ZC3H12B: variants seen among roughly 807,000 people sequenced by gnomAD.
ZC3H12B encodes zinc finger CCCH-type containing 12B, also known as probable ribonuclease ZC3H12B.
A neutral mutation model predicts 43.9 loss-of-function variants in ZC3H12B; 7 were observed. That is an observed-to-expected ratio of 0.16 (90% CI 0.09 to 0.30). The LOEUF (loss-of-function observed/expected upper bound fraction) is 0.30, where lower values mean the gene tolerates loss of function less well. ZC3H12B is among the 10% of genes least tolerant of loss of function. The pLI is 1.00. For synonymous variants in ZC3H12B, 222 were observed against 241.7 expected, an observed-to-expected ratio of 0.92 and a Z score of 0.76; for missense variants, 475 against 670.2, an observed-to-expected ratio of 0.71 and a Z score of 3.22.
chrX:65,249,790 C>T, the ZC3H12B span, among the ~76,000 whole-genome samples: 1 of 95,844 alleles, frequency 1.0e-5, no homozygotes, highest in African/African-American at 4.3e-5. Context: ...AGGTATATTC[C>T]TAAGTATTTT....
chrX:65,167,103 A>C, the ZC3H12B span, among the ~76,000 whole-genome samples: 8 of 111,788 alleles, frequency 7.2e-5, no homozygotes, highest in African/African-American at 2.6e-4. Context: ...TGTTTTAGTC[A>C]TGAAGTACTT....
At chrX:65,363,525 C>T (rs778035818), upstream of ZC3H12B, among the ~76,000 whole-genome samples, 9 of 111,715 alleles carry the variant, frequency 8.1e-5, no homozygotes, top group Non-Finnish European at 1.7e-4. Context: ...TAGCTGATCC[C>T]ATAGATCCTA....
chrX:65,373,946 GT>G (rs1488984661), intron 2 of ZC3H12B, among the ~76,000 whole-genome samples: 49 of 37,261 alleles, frequency 1.3e-3, no homozygotes, highest in South Asian at 2.5e-3. Context: ...TATATATATA[GT>G]TATATATATA....
intron 4 of ZC3H12B, 64 bp downstream of exon 9, chrX:65,500,053 T>C (rs2068343392): frequency 1.1e-6 from 1 of 893,007 alleles, no homozygotes; most frequent in Admixed American, 2.5e-5. Flanking sequence ...TGTGAACACT[T>C]TTCTCTTCCA....
the ZC3H12B span, among the ~76,000 whole-genome samples, chrX:65,182,563 A>C: frequency 2.7e-5 from 3 of 111,239 alleles, no homozygotes; most frequent in Non-Finnish European, 5.7e-5. Context: ...TAACAAAAAA[A>C]TTAAGAAATA....
the ZC3H12B span, among the ~76,000 whole-genome samples, chrX:65,298,501 C>G: frequency 9.0e-6 from 1 of 111,189 alleles, no homozygotes; most frequent in Non-Finnish European, 1.9e-5. Flanking sequence ...TAGGAAAAGA[C>G]TAGCAAATTA....
At chrX:65,340,443 G>A in the ZC3H12B span, among the ~76,000 whole-genome samples, 27 of 111,984 alleles carry the variant, frequency 2.4e-4, no homozygotes, top group Non-Finnish European at 4.5e-4. Flanking sequence ...ACTCTGGCTA[G>A]GACCACCCAT....
At chrX:65,063,616 A>C in the ZC3H12B span, among the ~76,000 whole-genome samples, 8 of 111,519 alleles carry the variant, frequency 7.2e-5, no homozygotes, top group Non-Finnish European at 1.3e-4. Flanking sequence ...TTGGCCTGAA[A>C]TTTTCTTTTT....
chrX:65,207,273 C>T, the ZC3H12B span, among the ~76,000 whole-genome samples: 1 of 107,949 alleles, frequency 9.3e-6, no homozygotes, highest in Non-Finnish European at 1.9e-5. Context: ...CACACACACA[C>T]ATACACACAC....
the ZC3H12B span, among the ~76,000 whole-genome samples, chrX:65,085,254 A>G: frequency 9.0e-6 from 1 of 111,577 alleles, no homozygotes; most frequent in Non-Finnish European, 1.9e-5. Flanking sequence ...AAAAATAACT[A>G]AAAGAGAGTA....
the ZC3H12B span, among the ~76,000 whole-genome samples, chrX:65,162,922 T>C: frequency 8.9e-6 from 1 of 112,071 alleles, no homozygotes; most frequent in Non-Finnish European, 1.9e-5. Flanking sequence ...TCTTTGATGA[T>C]GGTGATGCAC....
the ZC3H12B span, chrX:65,357,692 G>A: frequency 8.9e-6 from 1 of 112,153 alleles, no homozygotes; most frequent in Non-Finnish European, 1.9e-5. Flanking sequence ...CCTAAAGGAA[G>A]CACTAAATAT....
intron 3 of ZC3H12B, among the ~76,000 whole-genome samples, chrX:65,468,058 G>C: frequency 8.9e-6 from 1 of 111,828 alleles, no homozygotes; most frequent in African/African-American, 3.2e-5. Context: ...TTTTTCCTGT[G>C]TTTTCTTCTA....
the ZC3H12B span, among the ~76,000 whole-genome samples, chrX:65,118,260 C>T: frequency 9.0e-6 from 1 of 111,434 alleles, no homozygotes; most frequent in Admixed American, 9.5e-5. Context: ...TGTAGTTCTC[C>T]TTGAAGAGGT....
chrX:65,409,556 C>CCACACA (rs149933064), intron 3 of ZC3H12B, among the ~76,000 whole-genome samples: 143 of 87,661 alleles, frequency 1.6e-3, no homozygotes, highest in African/African-American at 5.5e-3. Flanking sequence ...CCTAAAGACT[C>CCACACA]CACACACACA....
At chrX:65,152,700 C>A in the ZC3H12B span, among the ~76,000 whole-genome samples, 2 of 111,138 alleles carry the variant, frequency 1.8e-5, no homozygotes, top group Admixed American at 1.9e-4. Context: ...CATCAAGCTA[C>A]CAGACTTTCT....
the ZC3H12B span, among the ~76,000 whole-genome samples, chrX:65,242,603 T>C: frequency 3.6e-5 from 4 of 111,968 alleles, no homozygotes; most frequent in Non-Finnish European, 7.5e-5. Flanking sequence ...AAAATACCAA[T>C]GACATTTTTT....
the ZC3H12B span, among the ~76,000 whole-genome samples, chrX:65,145,825 G>A: frequency 8.9e-6 from 1 of 111,750 alleles, no homozygotes; most frequent in Admixed American, 9.5e-5. Context: ...ATGCCTCTTA[G>A]CTTGTAAGGT....
chrX:65,221,489 T>C, the ZC3H12B span, among the ~76,000 whole-genome samples: 1 of 111,251 alleles, frequency 9.0e-6, no homozygotes, highest in African/African-American at 3.3e-5. Flanking sequence ...ATAAGCTCAA[T>C]TAAATACAAA....
Sources: allele counts gnomAD v4.1 joint callset (sites outside exome capture counted in the v4.1 genomes callset), GRCh38; gene constraint gnomAD v4.1.1; transcripts MANE v1.5; gene names NCBI Gene and HGNC (gene_info 2026-07-23, HGNC 2026-07-21).